Variants in NUP93 observed in about 807,000 individuals in gnomAD.
NUP93 encodes the protein nucleoporin 93.
Under a neutral mutation model 107.8 loss-of-function variants are expected in NUP93, and 55 were observed. The ratio of observed to expected loss-of-function variants is 0.51; its 90% CI spans 0.41 to 0.64. The LOEUF (loss-of-function observed/expected upper bound fraction) is 0.64. Among genes scored for constraint, NUP93 ranks in the 30% least tolerant of loss-of-function variants. The probability of loss-of-function intolerance (pLI) is 0.00; values close to 1 mark genes in which losing one functional copy is unlikely to be tolerated. For missense variants in NUP93, 937 were observed against 1,044.7 expected, an observed-to-expected ratio of 0.90 and a Z score of 1.42; for synonymous variants, 390 against 397.5, an observed-to-expected ratio of 0.98 and a Z score of 0.22.
Position 56,748,228 on chromosome 16 carries a change from A to G in NUP93, c.-14-6A>G, listed in dbSNP as rs142410334. ...TTTAGATCTTTTCATTTTTTCTCCCATCTAGGATCTGCATCTCCAATGGAT... is the reference window on the plus strand; with the variant it reads ...TTTAGATCTTTTCATTTTTTCTCCCGTCTAGGATCTGCATCTCCAATGGAT... On this transcript the variant is annotated splice_region_variant and splice_polypyrimidine_tract_variant and intron_variant, in intron 1 of 21. Coordinates refer to ENST00000308159, the MANE Select transcript of NUP93 (RefSeq NM_014669.5). 10 of 1,573,300 alleles carry G rather than the reference A, an allele frequency of 6.4e-6. No homozygotes were observed. The highest frequency in any genetic ancestry group is 8.7e-6 in the Non-Finnish European group (10 of 1,153,202).
At chr16:56,828,427 G>T (rs1391954550) in intron 8 of NUP93, among the ~76,000 whole-genome samples, 1 of 152,062 alleles carries the variant, frequency 6.6e-6, no homozygotes, top group African/African-American at 2.4e-5. Flanking sequence ...GGCAGGAGAA[G>T]GTCCTAGTTC....
intron 3 of NUP93, among the ~76,000 whole-genome samples, chr16:56,778,714 G>C (rs1962460639): frequency 6.6e-6 from 1 of 152,166 alleles, no homozygotes; most frequent in Non-Finnish European, 1.5e-5. Context: ...GGAATTGGAA[G>C]ATTAACTAGA....
At chr16:56,792,877 A>C (rs1327185230) in intron 3 of NUP93, among the ~76,000 whole-genome samples, 1 of 152,172 alleles carries the variant, frequency 6.6e-6, no homozygotes, top group Non-Finnish European at 1.5e-5. Flanking sequence ...TTCCCTAAGT[A>C]TCTCAGAAAT....
intron 4 of NUP93, 24 bp from the exon 5 acceptor site, chr16:56,805,480 T>C (rs1205340093): frequency 1.2e-6 from 2 of 1,611,130 alleles, no homozygotes; most frequent in East Asian, 4.5e-5. Flanking sequence ...CTGAGGGTCA[T>C]TGTTCTCTGT....
chr16:56,745,658 C>G (rs1961809669), intron 1 of NUP93, among the ~76,000 whole-genome samples: 1 of 152,032 alleles, frequency 6.6e-6, no homozygotes, highest in Admixed American at 6.6e-5. Flanking sequence ...AGTTATGGGG[C>G]CATCATGGGT....
In NUP93 at chr16:56,847,739, A is replaced by T. The variant is rs1462929046; in HGVS notation, c.*3130A>T. ...CGGCAGATGCCTTCCTTTTTCACTC[A>T]CGAGCTGGGCGGGCTCATCAAAGAG... On this transcript the variant is annotated 3_prime_UTR_variant, in exon 22 of 22. Coordinates refer to ENST00000308159, the MANE Select transcript of NUP93 (RefSeq NM_014669.5). 1 of 152,212 alleles carries T rather than the reference A, an allele frequency of 6.6e-6. No individual in the cohort carries two copies. Among genetic ancestry groups the T allele is most frequent in the Non-Finnish European group, 1.5e-5 (1 of 68,042 alleles). 9.4% of individuals were successfully genotyped at this position (152,212 alleles called of 1,614,324 possible).
intron 3 of NUP93, chr16:56,781,932 C>G (rs1465521532): frequency 1.5e-5 from 15 of 985,164 alleles, no homozygotes; most frequent in African/African-American, 1.7e-5. Flanking sequence ...GCAGTGCACC[C>G]TTTTTAAAGG....
intron 3 of NUP93, among the ~76,000 whole-genome samples, chr16:56,787,818 A>G (rs772788487): frequency 6.6e-6 from 1 of 152,158 alleles, no homozygotes; most frequent in Non-Finnish European, 1.5e-5. Flanking sequence ...CCCTGAAGAC[A>G]TATTGAAACA....
At chr16:56,764,353 G>A (rs1962181626) in intron 3 of NUP93, among the ~76,000 whole-genome samples, 1 of 152,148 alleles carries the variant, frequency 6.6e-6, no homozygotes, top group South Asian at 2.1e-4. Context: ...AGCCGGACAT[G>A]TTGGTGCACG....
intron 8 of NUP93, among the ~76,000 whole-genome samples, chr16:56,828,431 C>G (rs1021173005): frequency 3.3e-5 from 5 of 151,994 alleles, no homozygotes; most frequent in Non-Finnish European, 7.4e-5. Flanking sequence ...GGAGAAGGTC[C>G]TAGTTCTTCA....
chr16:56,842,506 G>T (rs1964045203), intron 21 of NUP93: 1 of 421,276 alleles, frequency 2.4e-6, no homozygotes, highest in South Asian at 1.7e-5. Flanking sequence ...AAGAGCAAAG[G>T]TATTTTTTGA....
chr16:56,740,395 G>A (rs1488742417), intron 1 of NUP93, among the ~76,000 whole-genome samples: 13 of 150,550 alleles, frequency 8.6e-5, no homozygotes, highest in Non-Finnish European at 1.3e-4. Context: ...ATGGGGCGGC[G>A]GGGCAGAGGC....
chr16:56,832,154 G>A, intron 11 of NUP93, 141 bp from the exon 12 acceptor site: 1 of 1,221,016 alleles, frequency 8.2e-7, no homozygotes, highest in Non-Finnish European at 1.2e-6. Flanking sequence ...TTTTTGTTGT[G>A]TAATTCCCAG....
intron 5 of NUP93, among the ~76,000 whole-genome samples, chr16:56,807,996 C>T (rs1963181498): frequency 6.8e-6 from 1 of 148,096 alleles, no homozygotes; most frequent in African/African-American, 2.5e-5. Context: ...GCACTCCAGC[C>T]TGGTGACAAA....
chr16:56,781,151 T>G (rs547424013), intron 3 of NUP93, among the ~76,000 whole-genome samples: 2 of 152,292 alleles, frequency 1.3e-5, no homozygotes, highest in South Asian at 4.1e-4. Context: ...TCATATATTT[T>G]CCCCTAAATG....
intron 3 of NUP93, among the ~76,000 whole-genome samples, chr16:56,780,612 T>G (rs1242780166): frequency 6.6e-6 from 1 of 152,206 alleles, no homozygotes; most frequent in Non-Finnish European, 1.5e-5. Flanking sequence ...AGGAACAATG[T>G]AAGTTGGTTT....
At chr16:56,810,455 C>T (rs374079515) in intron 5 of NUP93, among the ~76,000 whole-genome samples, 2 of 151,750 alleles carry the variant, frequency 1.3e-5, no homozygotes, top group African/African-American at 4.8e-5. Flanking sequence ...ATAGTAGGAC[C>T]CCGTCTCTAC....
intron 3 of NUP93, among the ~76,000 whole-genome samples, chr16:56,779,753 C>G (rs1489793421): frequency 6.6e-6 from 1 of 152,138 alleles, no homozygotes; most frequent in African/African-American, 2.4e-5. Context: ...AAGAAATACC[C>G]TCTTAATTTA....
At chr16:56,840,584 CTA>C (rs1964004076) in intron 20 of NUP93, among the ~76,000 whole-genome samples, 1 of 152,220 alleles carries the variant, frequency 6.6e-6, no homozygotes, top group Non-Finnish European at 1.5e-5. Flanking sequence ...TTCTCTAGAA[CTA>C]TAAACACTCA....
Sources: gnomAD v4.1 joint callset for allele counts (sites outside exome capture counted in the v4.1 genomes callset) on GRCh38, gnomAD v4.1.1 for gene constraint, MANE v1.5 for transcripts, NCBI Gene and HGNC (gene_info 2026-07-23, HGNC 2026-07-21) for gene names.